The following RORA variants were observed in gnomAD, a reference collection of about 807,000 sequenced individuals.
RORA encodes RAR related orphan receptor A, also known as nuclear receptor ROR-alpha.
In RORA, 7 loss-of-function variants were observed where a neutral mutation model predicts 69.5. The ratio of observed to expected loss-of-function variants is 0.10; its 90% confidence interval spans 0.06 to 0.19. The LOEUF is 0.19. Ranked by LOEUF, RORA falls within the 10% of genes least tolerant of loss-of-function variation. The pLI is 1.00. For missense variants in RORA, 457 were observed against 663.0 expected (o/e 0.69, Z 3.41); for synonymous variants, 261 against 240.8 (o/e 1.08, Z -0.78).
intron 1 of RORA, among the ~76,000 whole-genome samples, chr15:60,681,217 G>A (rs2070638102): frequency 6.6e-6 from 1 of 152,180 alleles, no homozygotes; most frequent in South Asian, 2.1e-4. Context: ...GGGAAACTGA[G>A]GCTCAGGAAA....
rs936392038 is a variant in RORA at position 60,617,446 on chromosome 15, C to T, written c.196+61211G>A. ...GCAGCAAGGTCTGAGGAAGCAACTG[C>T]GCAAAAGGCAGAACGTGACAGTGAG... On this transcript the variant is annotated intron_variant, in intron 2 of 10. Transcript: ENST00000335670. Among the ~76,000 whole-genome samples the T allele has an allele frequency of 1.4e-4, 22 of 152,224 alleles. No homozygotes were observed. In the South Asian group the frequency reaches 1.5e-3, roughly 10 times the overall value.
At chr15:60,765,088 G>A (rs762346361) in intron 1 of RORA, 1 of 151,986 alleles carries the variant, frequency 6.6e-6, no homozygotes, top group Non-Finnish European at 1.5e-5. Context: ...AATCTGAAAT[G>A]CCTACAGTAG....
At chr15:60,608,723 T>G (rs147163743) in intron 2 of RORA, among the ~76,000 whole-genome samples, 1 of 152,324 alleles carries the variant, frequency 6.6e-6, no homozygotes, top group African/African-American at 2.4e-5. Flanking sequence ...TATCTTTCTT[T>G]CTGTTCATAC....
At chr15:60,697,039 GT>G (rs1392949994) in intron 1 of RORA, among the ~76,000 whole-genome samples, 1 of 152,098 alleles carries the variant, frequency 6.6e-6, no homozygotes, top group Admixed American at 6.5e-5. Context: ...GAGGGCAACT[GT>G]TTTCTGGGAT....
chr15:61,151,672 T>C (rs1248216772), intron 1 of RORA, among the ~76,000 whole-genome samples: 1 of 152,216 alleles, frequency 6.6e-6, no homozygotes, highest in East Asian at 1.9e-4. Context: ...AACTGAATAT[T>C]CCCTTCTCTG....
At chr15:61,034,270 G>T (rs1452498032) in intron 1 of RORA, among the ~76,000 whole-genome samples, 1 of 152,018 alleles carries the variant, frequency 6.6e-6, no homozygotes, top group East Asian at 1.9e-4. Context: ...AGGTGGGTTT[G>T]AAAGAAGGAA....
chr15:61,188,902 G>C (rs913979052), intron 1 of RORA, among the ~76,000 whole-genome samples: 7 of 152,210 alleles, frequency 4.6e-5, no homozygotes, highest in Non-Finnish European at 1.0e-4. Context: ...GGGTGAAAAA[G>C]CCTTACCCCC....
chr15:61,068,833 C>T (rs1490004995), intron 1 of RORA, among the ~76,000 whole-genome samples: 1 of 152,184 alleles, frequency 6.6e-6, no homozygotes, highest in Non-Finnish European at 1.5e-5. Context: ...AAAACCATTT[C>T]TCCACTCAGT....
At chr15:61,126,012 G>A (rs574265972) in intron 1 of RORA, among the ~76,000 whole-genome samples, 2 of 152,266 alleles carry the variant, frequency 1.3e-5, no homozygotes, top group Admixed American at 1.3e-4. Flanking sequence ...TTGAAATCTT[G>A]TATTACATTA....
intron 1 of RORA, among the ~76,000 whole-genome samples, chr15:61,060,116 T>G (rs770172061): frequency 6.6e-6 from 1 of 152,124 alleles, no homozygotes; most frequent in Non-Finnish European, 1.5e-5. Context: ...CCGTATTATT[T>G]GATTTATCTT....
At chr15:60,747,965 T>C (rs1384082350) in intron 1 of RORA, among the ~76,000 whole-genome samples, 1 of 152,210 alleles carries the variant, frequency 6.6e-6, no homozygotes, top group Non-Finnish European at 1.5e-5. Flanking sequence ...GCATCATTTA[T>C]ATTGCATTGC....
At chr15:61,177,758 C>G (rs142609151) in intron 1 of RORA, among the ~76,000 whole-genome samples, 73 of 152,062 alleles carry the variant, frequency 4.8e-4, no homozygotes, top group African/African-American at 1.7e-3. Flanking sequence ...GTCAGAAGTT[C>G]GAGACCAGCC....
chr15:60,917,071 G>A (rs1891894246), intron 1 of RORA, among the ~76,000 whole-genome samples: 1 of 152,104 alleles, frequency 6.6e-6, no homozygotes, highest in African/African-American at 2.4e-5. Context: ...CTCAACAGAG[G>A]AGCTGCTTCA....
chr15:60,842,543 T>C (rs2073212894), intron 1 of RORA, among the ~76,000 whole-genome samples: 1 of 152,198 alleles, frequency 6.6e-6, no homozygotes, highest in South Asian at 2.1e-4. Context: ...TTTTCAGGCC[T>C]GTAGAGATGA....
At chr15:60,648,571 CAT>C (rs1429613338) in intron 2 of RORA, among the ~76,000 whole-genome samples, 1 of 152,216 alleles carries the variant, frequency 6.6e-6, no homozygotes, top group Non-Finnish European at 1.5e-5. Flanking sequence ...AATCACAACA[CAT>C]GAGAGCAAAT....
intron 1 of RORA, among the ~76,000 whole-genome samples, chr15:60,919,923 T>A (rs1399837173): frequency 1.3e-5 from 2 of 152,220 alleles, no homozygotes; most frequent in African/African-American, 4.8e-5. Flanking sequence ...ATAATCTTCA[T>A]GCTTGGTGTT....
At chr15:61,158,575 C>T (rs2140880940) in intron 1 of RORA, among the ~76,000 whole-genome samples, 1 of 152,290 alleles carries the variant, frequency 6.6e-6, no homozygotes, top group South Asian at 2.1e-4. Flanking sequence ...TTGCTATATG[C>T]CACCCACTCT....
intron 1 of RORA, among the ~76,000 whole-genome samples, chr15:60,980,180 A>G (rs1382834937): frequency 6.6e-6 from 1 of 152,170 alleles, no homozygotes; most frequent in Admixed American, 6.5e-5. Flanking sequence ...GGTATATTGC[A>G]TTGATTGACT....
chr15:60,622,043 T>C (rs2069424176), intron 2 of RORA, among the ~76,000 whole-genome samples: 1 of 151,894 alleles, frequency 6.6e-6, no homozygotes, highest in African/African-American at 2.4e-5. Flanking sequence ...AGTGAAACTG[T>C]GACTCAAAAA....
Sources: allele counts gnomAD v4.1 joint callset (sites outside exome capture counted in the v4.1 genomes callset), GRCh38; gene constraint gnomAD v4.1.1; transcripts MANE v1.5; gene names NCBI Gene and HGNC (gene_info 2026-07-23, HGNC 2026-07-21).